ZNF578: variants seen among roughly 807,000 people sequenced by gnomAD.
The protein encoded by ZNF578 is zinc finger protein 578, also known as Putative chemokine-related protein B42.
Under a neutral mutation model 8.3 loss-of-function variants are expected in ZNF578, and 8 were observed. The ratio of observed to expected loss-of-function variants is 0.96; its 90% CI spans 0.56 to 1.74. ZNF578 has a LOEUF of 1.74. ZNF578 is among the 40% of genes most tolerant of loss of function. The probability of loss-of-function intolerance (pLI) is 0.00; values close to 1 mark genes in which losing one functional copy is unlikely to be tolerated. For synonymous variants in ZNF578, 206 were observed against 232.2 expected (o/e 0.89, Z 1.03); for missense variants, 726 against 707.5 (o/e 1.03, Z -0.30).
intron 4 of ZNF578, 115 bp from the exon 5 acceptor site, chr19:52,504,540 T>G (rs2059418649): frequency 6.4e-7 from 1 of 1,552,496 alleles, no homozygotes; most frequent in Non-Finnish European, 8.7e-7. Flanking sequence ...TAACGTGGTT[T>G]TGTCACAACA....
Position 52,483,648 on chromosome 19 carries a change from T to C in ZNF578, c.-121-7676T>C, listed in dbSNP as rs150748022. Among the ~76,000 whole-genome samples, 24 of 152,290 alleles carry C rather than the reference T, an allele frequency of 1.6e-4. No homozygotes were observed. In the East Asian group the frequency reaches 4.6e-3, roughly 29 times the overall value. The stretch of plus-strand genomic sequence containing the variant: ...TATACAATGTTTTCTGTGATCTCAG[T>C]TTATAAATTTTCCCAGTACACATTC... On this transcript the variant is annotated intron_variant, in intron 2 of 5. Coordinates refer to ENST00000421239, the MANE Select transcript of ZNF578 (RefSeq NM_001099694.2).
At chr19:52,461,324 C>T (rs324112) in intron 2 of ZNF578, among the ~76,000 whole-genome samples, 6,147 of 152,266 alleles carry the variant, frequency 0.04, 443 homozygotes, top group African/African-American at 0.14. Flanking sequence ...ATTATACAAT[C>T]TCCCATCCAT....
chr19:52,493,818 C>T (rs1418070187), intron 3 of ZNF578, among the ~76,000 whole-genome samples: 1 of 151,312 alleles, frequency 6.6e-6, no homozygotes, highest in Non-Finnish European at 1.5e-5. Flanking sequence ...TGGAGAAACC[C>T]CGTCCCTACT....
intron 2 of ZNF578, among the ~76,000 whole-genome samples, chr19:52,460,860 T>C (rs780868026): frequency 4.7e-4 from 72 of 152,164 alleles, no homozygotes; most frequent in Admixed American, 4.6e-4. Flanking sequence ...AGTAGTGATA[T>C]AGTTTTTGTT....
At chr19:52,456,422 C>G (rs1193054831) in intron 1 of ZNF578, 2 of 152,224 alleles carry the variant, frequency 1.3e-5, no homozygotes, top group Non-Finnish European at 2.9e-5. Flanking sequence ...AGCGCAGTGT[C>G]CCACATGATT....
chr19:52,468,953 C>G (rs895962292), intron 2 of ZNF578, among the ~76,000 whole-genome samples: 5 of 152,076 alleles, frequency 3.3e-5, no homozygotes, highest in African/African-American at 1.2e-4. Flanking sequence ...CATTGGCTTC[C>G]TTGGTTTTGA....
chr19:52,488,236 C>T (rs1205077846), intron 2 of ZNF578, among the ~76,000 whole-genome samples: 1 of 151,812 alleles, frequency 6.6e-6, no homozygotes, highest in African/African-American at 2.4e-5. Context: ...CAGGCATGAG[C>T]CACCATGCCC....
intron 2 of ZNF578, among the ~76,000 whole-genome samples, chr19:52,488,608 C>T (rs2059354159): frequency 6.8e-6 from 1 of 146,294 alleles, no homozygotes. Flanking sequence ...GACTCCATCT[C>T]AAAACAAACA....
chr19:52,502,741 GA>G (rs1388226547), intron 4 of ZNF578, among the ~76,000 whole-genome samples: 24 of 152,066 alleles, frequency 1.6e-4, no homozygotes, highest in African/African-American at 4.8e-4. Context: ...TGTCTCAAAA[GA>G]AAAAGAGAGG....
At chr19:52,461,747 T>C (rs2059258549) in intron 2 of ZNF578, among the ~76,000 whole-genome samples, 1 of 152,252 alleles carries the variant, frequency 6.6e-6, no homozygotes, top group African/African-American at 2.4e-5. Flanking sequence ...GGAAGAAAAC[T>C]GATACACAAA....
rs148544085 is a variant in ZNF578, at chr19:52,509,605, A to G, written c.191-967A>G. 1.1e-3 allele frequency among the ~76,000 whole-genome samples: 167 copies of G among 152,258 alleles called. 1 individual carries two copies. In the East Asian group the frequency reaches 0.027, roughly 24 times the overall value. ...AACATGGTGAAACCCGGTCTCTACC[A>G]AAAACACACAAACTAGCCAGTCATA... On this transcript the variant is annotated intron_variant, in intron 5 of 5. Transcript: ENST00000421239.
At chr19:52,476,281 T>C (rs2059308111) in intron 2 of ZNF578, among the ~76,000 whole-genome samples, 1 of 152,150 alleles carries the variant, frequency 6.6e-6, no homozygotes, top group Non-Finnish European at 1.5e-5. Context: ...TAACAAACAC[T>C]GGTGAATTCC....
At chr19:52,505,535 C>A (rs1251612574) in intron 5 of ZNF578, among the ~76,000 whole-genome samples, 1 of 152,110 alleles carries the variant, frequency 6.6e-6, no homozygotes, top group Admixed American at 6.5e-5. Flanking sequence ...CATTCTTCTG[C>A]CTCAGCCTCC....
At chr19:52,463,427 T>C (rs1408103024) in intron 2 of ZNF578, among the ~76,000 whole-genome samples, 1 of 152,214 alleles carries the variant, frequency 6.6e-6, no homozygotes, top group East Asian at 1.9e-4. Flanking sequence ...CACCAGTTCT[T>C]TGATGTGGTA....
At chr19:52,468,335 T>C (rs569914945) in intron 2 of ZNF578, among the ~76,000 whole-genome samples, 2 of 152,340 alleles carry the variant, frequency 1.3e-5, no homozygotes, top group South Asian at 2.1e-4. Context: ...TGAACTGATA[T>C]GAAAAATATC....
At chr19:52,506,475 T>TTC (rs2059426133) in intron 5 of ZNF578, among the ~76,000 whole-genome samples, 1 of 142,980 alleles carries the variant, frequency 7.0e-6, no homozygotes, top group South Asian at 2.1e-4. Context: ...TTTTTTTTTT[T>TTC]TTTTTTTTTT....
chr19:52,509,374 GTAC>G (rs2059436518), intron 5 of ZNF578, among the ~76,000 whole-genome samples: 1 of 152,018 alleles, frequency 6.6e-6, no homozygotes, highest in Admixed American at 6.6e-5. Context: ...CTGTATAAAT[GTAC>G]TTATTTGCTT....
At position 52,504,170 on chromosome 19, in the gene ZNF578, G is replaced by A. The variant is rs548131546; in HGVS notation, c.64-485G>A. Among the ~76,000 whole-genome samples, 59 of 142,764 alleles carry A rather than the reference G, an allele frequency of 4.1e-4. No individual in the cohort carries two copies. In the South Asian group the frequency reaches 7.2e-3, roughly 18 times the overall value. The allele number at this position is 142,764 out of a possible 152,430, so 93.7% of individuals were successfully genotyped here. On this transcript the variant is annotated intron_variant, in intron 4 of 5. Coordinates refer to ENST00000421239, the MANE Select transcript of ZNF578 (RefSeq NM_001099694.2). ...CAGTGGTGCGATCTTGGCTCACTGCGGCCTCCATCTCCTGACTTCAAGTGA... is the reference window on the plus strand; with the variant it reads ...CAGTGGTGCGATCTTGGCTCACTGCAGCCTCCATCTCCTGACTTCAAGTGA...
chr19:52,500,156 T>A (rs2059401481), intron 3 of ZNF578, among the ~76,000 whole-genome samples: 1 of 152,296 alleles, frequency 6.6e-6, no homozygotes, highest in East Asian at 1.9e-4. Flanking sequence ...ACACTGCGGC[T>A]GTGAAATCAG....
Sources: gnomAD v4.1 joint callset for allele counts (sites outside exome capture counted in the v4.1 genomes callset) on GRCh38, gnomAD v4.1.1 for gene constraint, MANE v1.5 for transcripts, NCBI Gene and HGNC (gene_info 2026-07-23, HGNC 2026-07-21) for gene names.